Variants in KCNIP4 observed in about 807,000 individuals in gnomAD.
KCNIP4 encodes the protein Kv channel-interacting protein 4.
Under a neutral mutation model 34.0 loss-of-function variants are expected in KCNIP4, and 12 were observed. The observed-to-expected ratio is 0.35, with a 90% CI of 0.23 to 0.57. KCNIP4 has a LOEUF of 0.57. Among genes scored for constraint, KCNIP4 ranks in the 20% least tolerant of loss-of-function variants. The pLI is 0.83. For synonymous variants in KCNIP4, 124 were observed against 102.2 expected, an observed-to-expected ratio of 1.21 and a Z score of -1.29; for missense variants, 238 against 311.7, an observed-to-expected ratio of 0.76 and a Z score of 1.78.
intron 2 of KCNIP4, among the ~76,000 whole-genome samples, chr4:20,861,932 T>C (rs1329755583): frequency 6.6e-6 from 1 of 151,490 alleles, no homozygotes; most frequent in East Asian, 2.0e-4. Context: ...TTAACCATAT[T>C]ATTACTACAG....
At chr4:21,624,806 T>C (rs547020952) in intron 1 of KCNIP4, among the ~76,000 whole-genome samples, 87 of 152,276 alleles carry the variant, frequency 5.7e-4, no homozygotes, top group African/African-American at 2.0e-3. Context: ...CAACTTTCTA[T>C]TTCACTTAGC....
chr4:21,753,994 G>T (rs1717331613), intron 1 of KCNIP4, among the ~76,000 whole-genome samples: 1 of 152,118 alleles, frequency 6.6e-6, no homozygotes, highest in South Asian at 2.1e-4. Context: ...AACCTAACAG[G>T]CATTGTGCAT....
At chr4:21,791,556 A>G (rs1368611901) in intron 1 of KCNIP4, among the ~76,000 whole-genome samples, 2 of 152,186 alleles carry the variant, frequency 1.3e-5, no homozygotes, top group Non-Finnish European at 2.9e-5. Flanking sequence ...ATGTGGGCAG[A>G]GAAGATAAAC....
intron 1 of KCNIP4, among the ~76,000 whole-genome samples, chr4:21,187,408 AAC>A (rs1172313676): frequency 6.6e-6 from 1 of 152,194 alleles, no homozygotes; most frequent in Non-Finnish European, 1.5e-5. Flanking sequence ...GGACATTCCA[AAC>A]ACTGCGGCAA....
intron 1 of KCNIP4, among the ~76,000 whole-genome samples, chr4:21,898,623 A>T (rs1464032119): frequency 6.6e-6 from 1 of 152,158 alleles, no homozygotes; most frequent in Non-Finnish European, 1.5e-5. Flanking sequence ...TGGGCCCTGA[A>T]TAATCAGCAA....
At chr4:21,295,837 T>C (rs1763809534) in intron 1 of KCNIP4, among the ~76,000 whole-genome samples, 1 of 152,292 alleles carries the variant, frequency 6.6e-6, no homozygotes, top group Middle Eastern at 3.4e-3. Flanking sequence ...CAATAGTATA[T>C]ACATTTCTCA....
intron 1 of KCNIP4, among the ~76,000 whole-genome samples, chr4:21,108,752 A>T (rs1229713572): frequency 1.3e-5 from 2 of 151,670 alleles, no homozygotes; most frequent in Non-Finnish European, 2.9e-5. Context: ...GTCTTTGATG[A>T]TGGTGATGTA....
intron 5 of KCNIP4, 74 bp downstream of exon 5, chr4:20,749,588 C>G: frequency 9.4e-7 from 1 of 1,067,664 alleles, no homozygotes; most frequent in Non-Finnish European, 1.4e-6. Context: ...ATAATCATCA[C>G]CAAACTCACA....
intron 1 of KCNIP4, among the ~76,000 whole-genome samples, chr4:21,375,915 C>CA (rs563059900): frequency 7.9e-5 from 12 of 152,036 alleles, no homozygotes; most frequent in Non-Finnish European, 1.8e-4. Context: ...GAAAAATACT[C>CA]ACGTTCAAAA....
At chr4:20,817,984 A>G (rs895507069) in intron 3 of KCNIP4, among the ~76,000 whole-genome samples, 1 of 152,160 alleles carries the variant, frequency 6.6e-6, no homozygotes, top group African/African-American at 2.4e-5. Context: ...CTTTAGAGCT[A>G]TGCTTTTGGA....
chr4:21,631,702 T>C (rs1337244321), intron 1 of KCNIP4, among the ~76,000 whole-genome samples: 1 of 152,198 alleles, frequency 6.6e-6, no homozygotes, highest in African/African-American at 2.4e-5. Flanking sequence ...TATGTGCCCA[T>C]ATTCTGGACC....
At chr4:21,610,805 G>A (rs762948101) in intron 1 of KCNIP4, among the ~76,000 whole-genome samples, 2 of 152,032 alleles carry the variant, frequency 1.3e-5, no homozygotes, top group Non-Finnish European at 2.9e-5. Flanking sequence ...ATGGTGAAAA[G>A]GGAAGAGGCA....
At chr4:20,756,967 T>C (rs557328237) in intron 4 of KCNIP4, among the ~76,000 whole-genome samples, 2 of 152,238 alleles carry the variant, frequency 1.3e-5, no homozygotes, top group East Asian at 3.9e-4. Context: ...TCTTGATTAA[T>C]AATTCTCAAA....
At chr4:21,604,663 T>G (rs1743490980) in intron 1 of KCNIP4, among the ~76,000 whole-genome samples, 1 of 152,234 alleles carries the variant, frequency 6.6e-6, no homozygotes, top group African/African-American at 2.4e-5. Context: ...TGTCTATATT[T>G]AAGATAAAGC....
At chr4:20,803,372 C>G (rs939360556) in intron 3 of KCNIP4, among the ~76,000 whole-genome samples, 3 of 147,100 alleles carry the variant, frequency 2.0e-5, no homozygotes, top group Non-Finnish European at 4.5e-5. Flanking sequence ...TGGGTCATAC[C>G]TATAATTCTA....
chr4:21,257,622 C>G (rs370330227), intron 1 of KCNIP4, among the ~76,000 whole-genome samples: 5 of 151,770 alleles, frequency 3.3e-5, no homozygotes, highest in Admixed American at 2.0e-4. Context: ...TGGTGGCATG[C>G]GACTGTAGTC....
At chr4:21,022,161 CAAGT>C (rs551917031) in intron 1 of KCNIP4, among the ~76,000 whole-genome samples, 130 of 152,212 alleles carry the variant, frequency 8.5e-4, no homozygotes, top group Middle Eastern at 6.8e-3. Flanking sequence ...TGTTATGCAG[CAAGT>C]AAGTGTGTAT....
At chr4:21,197,786 T>C (rs1379162921) in intron 1 of KCNIP4, among the ~76,000 whole-genome samples, 1 of 152,158 alleles carries the variant, frequency 6.6e-6, no homozygotes, top group Non-Finnish European at 1.5e-5. Flanking sequence ...ATACTCATAA[T>C]AAATAATCTA....
At chr4:21,014,701 G>C (rs1361585549) in intron 1 of KCNIP4, among the ~76,000 whole-genome samples, 1 of 152,144 alleles carries the variant, frequency 6.6e-6, no homozygotes, top group East Asian at 1.9e-4. Context: ...GAGGAAAATG[G>C]TATGGTAGGG....
Sources: gnomAD v4.1 joint callset for allele counts (sites outside exome capture counted in the v4.1 genomes callset) on GRCh38, gnomAD v4.1.1 for gene constraint, MANE v1.5 for transcripts, NCBI Gene and HGNC (gene_info 2026-07-23, HGNC 2026-07-21) for gene names.